The following ZNFX1 variants were observed in gnomAD, a reference collection of about 807,000 sequenced individuals.
ZNFX1 encodes NFX1-type zinc finger-containing protein 1.
Under a neutral mutation model 179.8 loss-of-function variants are expected in ZNFX1, and 78 were observed. That is an observed-to-expected ratio of 0.43 (90% confidence interval 0.36 to 0.52). The LOEUF is 0.52. Ranked by LOEUF, ZNFX1 falls within the 20% of genes least tolerant of loss-of-function variation. The pLI, the probability that ZNFX1 is intolerant of heterozygous loss-of-function variation, is 0.00. For synonymous variants in ZNFX1, 848 were observed against 868.5 expected (o/e 0.98, Z 0.42); for missense variants, 1,927 against 2,386.6 (o/e 0.81, Z 4.01).
rs769326014 is a variant in ZNFX1 at position 49,255,913 on chromosome 20, CTT to C, written c.2697_2698del (p.Arg900SerfsTer4). On this transcript the variant is annotated frameshift_variant, in exon 9 of 14. Coordinates refer to ENST00000396105, the MANE Select transcript of ZNFX1 (RefSeq NM_021035.3). LOFTEE classifies it high-confidence loss of function. ...CAGTTTGCGAAGCTCATCCTTCACT[CTT>C]TTTTTCATTTTCTTTTTCTGGTTGC... The C allele has an allele frequency of 6.2e-7, 1 of 1,614,126 alleles. No individual in the cohort carries two copies. Among genetic ancestry groups the C allele is most frequent in the South Asian group, 1.1e-5 (1 of 91,082 alleles).
chr20:49,270,236 G>A lies in ZNFX1; in HGVS notation c.1576C>T (p.Gln526Ter). The A allele has an allele frequency of 6.2e-7, 1 of 1,613,994 alleles. No homozygotes were observed. The highest frequency in any genetic ancestry group is 8.5e-7 in the Non-Finnish European group (1 of 1,180,028). The change falls in exon 3 of 14, where the codon CAG becomes TAG. Residue 526 changes from glutamine to a stop codon, truncating the protein, a stop_gained. Transcript: ENST00000396105. LOFTEE classifies it high-confidence loss of function. The surrounding 1 kb of genome is among the most constrained non-coding windows in gnomAD (Gnocchi z 4.6). The part of the protein sequence containing the change: ...RHVLEGLQEV[Q>*]EEDVPFQRNI... ...CTCTGGAAGGGAACATCTTCCTCCT[G>A]GACCTCCTGGAGTCCTTCCAGGACG...
In ZNFX1 at chr20:49,263,315, C is replaced by G; in HGVS notation, c.2301+19G>C. On this transcript the variant is annotated intron_variant, in intron 6 of 13. Coordinates refer to ENST00000396105, the MANE Select transcript of ZNFX1 (RefSeq NM_021035.3). ...ACTGAGGCCAGAGACATATTTGTGT[C>G]CCCCAGGATGACCCCTACCTGCACT... 6.2e-7 allele frequency: 1 copy of G among 1,610,960 alleles called. No homozygotes were observed. The highest frequency in any genetic ancestry group is 8.5e-7 in the Non-Finnish European group (1 of 1,178,830).
In ZNFX1 at chr20:49,266,329, G is replaced by A. The variant is rs1039932410; in HGVS notation, c.1871-63C>T. The A allele has an allele frequency of 5.5e-6, 8 of 1,455,550 alleles. No individual in the cohort carries two copies. The African/African-American group carries it at 8.7e-5, about 16-fold the overall frequency. The allele number at this position is 1,455,550 out of a possible 1,614,324, so 90.2% of individuals were successfully genotyped here. A position where few individuals can be genotyped will look rare whatever the true frequency, so the allele number is the denominator to read the frequency against. ...ATTTTCTAAATAAAGTAATTACTCA[G>A]AGCAAAATCTTTTTTTAAATTTAAT... On this transcript the variant is annotated intron_variant, in intron 3 of 13. Coordinates refer to ENST00000396105, the MANE Select transcript of ZNFX1 (RefSeq NM_021035.3).
chr20:49,256,013 C>A, intron 8 of ZNFX1, 66 bp from the exon 9 acceptor site: 1 of 1,577,996 alleles, frequency 6.3e-7, no homozygotes. Flanking sequence ...AAGCCCAAGG[C>A]AGGGGTCACA....
rs1980966110 is a variant in ZNFX1, at chr20:49,256,118, C to T, written c.2665-171G>A. Reference sequence around the variant, plus strand: ...ACTGTAGAGTGGCTAAACAAGGACTCTGGAGCCAGTTTGCCTGGCTTCAAA... The same window carrying T: ...ACTGTAGAGTGGCTAAACAAGGACTTTGGAGCCAGTTTGCCTGGCTTCAAA... On this transcript the variant is annotated intron_variant, in intron 8 of 13. Transcript: ENST00000396105. 1.5e-5 allele frequency: 12 copies of T among 815,632 alleles called. No individual in the cohort carries two copies. In the East Asian group the frequency reaches 3.3e-4, roughly 23 times the overall value. 50.5% of individuals were successfully genotyped at this position (815,632 alleles called of 1,614,324 possible).
In ZNFX1 at chr20:49,248,720, C is replaced by T. The variant is rs1980747447; in HGVS notation, c.4304G>A (p.Cys1435Tyr). 1 of 1,612,794 alleles carries T rather than the reference C, an allele frequency of 6.2e-7. No homozygotes were observed. The highest frequency in any genetic ancestry group is 1.7e-5 in the Admixed American group (1 of 60,014). ...ATGCCCGCAGTCCAAGATAGTGCCA[C>T]ACTTTGTGGTACACTTGACTAGCAG... ...GGLLVKCTTK[C>Y]GTILDCGHPC... Residue 1435 changes from cysteine (C) to tyrosine (Y), a missense_variant, in exon 14 of 14, where the codon TGT becomes TAT. By Grantham distance (194) the Cys-to-Tyr change is radical. Coordinates refer to ENST00000396105, the MANE Select transcript of ZNFX1 (RefSeq NM_021035.3). The surrounding 1 kb of genome is among the most constrained non-coding windows in gnomAD (Gnocchi z 4.6).
Position 49,246,856 on chromosome 20 carries a change from A to G in ZNFX1, c.*411T>C, listed in dbSNP as rs1167583021. 1.1e-5 allele frequency: 5 copies of G among 437,204 alleles called. No individual in the cohort carries two copies. In the African/African-American group the frequency reaches 1.1e-4, roughly 10 times the overall value. 27.1% of individuals were successfully genotyped at this position (437,204 alleles called of 1,614,324 possible). A position where few individuals can be genotyped will look rare whatever the true frequency, so the allele number is the denominator to read the frequency against. ...AAAAGTGGATCCTTAAGTAGGTGCT[A>G]AGACTAAAAAGAATGATTTTTTTTT... On this transcript the variant is annotated 3_prime_UTR_variant, in exon 14 of 14. Coordinates refer to ENST00000396105, the MANE Select transcript of ZNFX1 (RefSeq NM_021035.3).
chr20:49,264,559 C>G (rs1365413198), intron 5 of ZNFX1, among the ~76,000 whole-genome samples, 157 bp downstream of exon 5: 1 of 152,096 alleles, frequency 6.6e-6, no homozygotes, highest in Non-Finnish European at 1.5e-5. Flanking sequence ...AAAGGTCATA[C>G]CAAGGGATTG....
At chr20:49,269,594 T>C (rs917024850) in intron 3 of ZNFX1, among the ~76,000 whole-genome samples, 2 of 152,126 alleles carry the variant, frequency 1.3e-5, no homozygotes, top group African/African-American at 4.8e-5. Context: ...GGCAGGAGAA[T>C]TGCTTGAACC....
chr20:49,273,133 T>C (rs1568987879), intron 2 of ZNFX1, among the ~76,000 whole-genome samples: 1 of 151,982 alleles, frequency 6.6e-6, no homozygotes, highest in Non-Finnish European at 1.5e-5. Flanking sequence ...GAATTTTATT[T>C]TTTATTTTTT....
At chr20:49,254,018 A>C (rs1031026394) in intron 10 of ZNFX1, among the ~76,000 whole-genome samples, 1 of 120,404 alleles carries the variant, frequency 8.3e-6, no homozygotes, top group African/African-American at 3.2e-5. Flanking sequence ...AAGTGAGTGA[A>C]TTTCTTTTTT....
intron 6 of ZNFX1, 58 bp from the exon 7 acceptor site, chr20:49,260,635 G>C (rs2146735279): frequency 1.6e-6 from 2 of 1,285,200 alleles, no homozygotes; most frequent in Non-Finnish European, 2.2e-6. Flanking sequence ...GTGAAGGCTG[G>C]GTCTCCTCAA....
chr20:49,256,823 AG>A (rs1339392953), intron 8 of ZNFX1, among the ~76,000 whole-genome samples: 1 of 152,200 alleles, frequency 6.6e-6, no homozygotes, highest in African/African-American at 2.4e-5. Flanking sequence ...ATCATTGGTA[AG>A]GTTTACAAAT....
chr20:49,247,327 A>G lies in ZNFX1; in HGVS notation c.5697T>C (p.Ala1899=). The G allele has an allele frequency of 6.2e-7, 1 of 1,614,168 alleles. No homozygotes were observed. Residue 1899 remains alanine (A), a synonymous_variant, in exon 14 of 14, where the codon GCT becomes GCC. Transcript: ENST00000396105. ...LASEMDGAQH[A]AWSDTANNLM... is the part of the protein sequence containing the mutation. ...GGTTGTTGGCCGTGTCAGACCAGGC[A>G]GCATGCTGGGCTCCATCCATTTCAG...
Position 49,258,604 on chromosome 20 carries a change from G to A in ZNFX1, c.2417-940C>T, listed in dbSNP as rs145664538. Among the ~76,000 whole-genome samples the A allele has an allele frequency of 9.6e-4, 145 of 150,672 alleles. 5 individuals are homozygous for A. In the East Asian group the frequency reaches 0.026, roughly 27 times the overall value. ...GTGGATCACCTGACGTCAGGAGTTC[G>A]AGACCAGCCTGGCCAACACGGTGAA... On this transcript the variant is annotated intron_variant, in intron 7 of 13. Coordinates refer to ENST00000396105, the MANE Select transcript of ZNFX1 (RefSeq NM_021035.3).
chr20:49,270,218 A>C lies in ZNFX1; in HGVS notation c.1594T>G (p.Phe532Val). The C allele has an allele frequency of 6.2e-7, 1 of 1,614,044 alleles. No homozygotes were observed. The highest frequency in any genetic ancestry group is 1.3e-5 in the African/African-American group (1 of 75,066). The change falls in exon 3 of 14, where the codon TTC (phenylalanine) becomes GTC (valine). Residue 532 changes from phenylalanine (F) to valine (V), a missense_variant. By Grantham distance (50) the Phe-to-Val change is conservative. Coordinates refer to ENST00000396105, the MANE Select transcript of ZNFX1 (RefSeq NM_021035.3). This position sits in a 1 kb window ranked among gnomAD's most constrained non-coding sequence, Gnocchi z 4.6. The stretch of plus-strand genomic sequence containing the variant: ...TTACACTCCACGATATTCCTCTGGA[A>C]GGGAACATCTTCCTCCTGGACCTCC... Reference protein sequence around the residue: ...LQEVQEEDVPFQRNIVECNSH... With the variant: ...LQEVQEEDVPVQRNIVECNSH...
Position 49,270,744 on chromosome 20 carries a change from A to G in ZNFX1, c.1068T>C (p.Asn356=), listed in dbSNP as rs1981363321. Residue 356 remains asparagine (N), a synonymous_variant, in exon 3 of 14, where the codon AAT becomes AAC. Coordinates refer to ENST00000396105, the MANE Select transcript of ZNFX1 (RefSeq NM_021035.3). The surrounding 1 kb of genome is among the most constrained non-coding windows in gnomAD (Gnocchi z 4.6). ...HLDERPFLRP[N]IISGKYDSTA... ...TGCTGTCGTATTTTCCAGAAATGAT[A>G]TTGGGGCGAAGGAAGGGCCTCTCAT... is the stretch of plus-strand genomic sequence containing the variant. The G allele has an allele frequency of 1.2e-6, 2 of 1,614,146 alleles. No individual in the cohort carries two copies. Among genetic ancestry groups the G allele is most frequent in the Non-Finnish European group, 1.7e-6 (2 of 1,180,020 alleles).
intron 12 of ZNFX1, among the ~76,000 whole-genome samples, chr20:49,252,470 G>C (rs1980863992): frequency 6.6e-6 from 1 of 151,412 alleles, no homozygotes; most frequent in South Asian, 2.1e-4. Flanking sequence ...AAAAAGGAAA[G>C]AAAATCTAGA....
chr20:49,276,900 G>C (rs1393483172), intron 1 of ZNFX1, among the ~76,000 whole-genome samples: 2 of 152,032 alleles, frequency 1.3e-5, no homozygotes, highest in African/African-American at 4.8e-5. Context: ...TCAGTATTTA[G>C]AGTTTGTTTG....
Sources: allele counts gnomAD v4.1 joint callset (sites outside exome capture counted in the v4.1 genomes callset), GRCh38; gene constraint gnomAD v4.1.1; non-coding constraint Gnocchi (gnomAD v3.1); transcripts MANE v1.5; gene names NCBI Gene and HGNC (gene_info 2026-07-23, HGNC 2026-07-21).